Variants in NRXN1 observed in about 807,000 individuals in gnomAD.
NRXN1 encodes neurexin-1.
A neutral mutation model predicts 150.9 loss-of-function variants in NRXN1; 39 were observed. The observed-to-expected ratio is 0.26, with a 90% CI of 0.20 to 0.34. The LOEUF is 0.34. Among genes scored for constraint, NRXN1 ranks in the 10% least tolerant of loss-of-function variants. The pLI is 1.00. For synonymous variants in NRXN1, 924 were observed against 757.0 expected (o/e 1.22, Z -3.62); for missense variants, 1,815 against 1,949.9 (o/e 0.93, Z 1.30).
chr2:50,068,561 T>C (rs1281481532), intron 19 of NRXN1, among the ~76,000 whole-genome samples: 1 of 152,220 alleles, frequency 6.6e-6, no homozygotes, highest in East Asian at 1.9e-4. Context: ...ATCAGTAGCA[T>C]AACATCTTTT....
intron 5 of NRXN1, among the ~76,000 whole-genome samples, chr2:50,774,218 T>C (rs1397658898): frequency 6.6e-6 from 1 of 152,140 alleles, no homozygotes. Flanking sequence ...TTCATCACCA[T>C]ATCTAAAGCG....
At chr2:50,135,221 G>T (rs1036196561) in intron 18 of NRXN1, among the ~76,000 whole-genome samples, 2 of 152,166 alleles carry the variant, frequency 1.3e-5, no homozygotes, top group Non-Finnish European at 1.5e-5. Flanking sequence ...TCTACTAGAT[G>T]CTGGGCAAAG....
intron 17 of NRXN1, among the ~76,000 whole-genome samples, chr2:50,403,838 A>G (rs941465469): frequency 6.6e-6 from 1 of 152,098 alleles, no homozygotes; most frequent in Admixed American, 6.6e-5. Flanking sequence ...CTCAAGTCTA[A>G]GCAGACGTTT....
At chr2:50,942,201 C>T (rs1689562243) in intron 2 of NRXN1, among the ~76,000 whole-genome samples, 1 of 152,134 alleles carries the variant, frequency 6.6e-6, no homozygotes, top group South Asian at 2.1e-4. Context: ...GGAGCCACTG[C>T]CTAGAGATTT....
intron 5 of NRXN1, among the ~76,000 whole-genome samples, chr2:50,842,309 A>C (rs1427370955): frequency 6.6e-6 from 1 of 152,220 alleles, no homozygotes; most frequent in Non-Finnish European, 1.5e-5. Flanking sequence ...TGAGGAGCAG[A>C]AGGAAAAACA....
intron 8 of NRXN1, among the ~76,000 whole-genome samples, chr2:50,561,323 T>C (rs1312141618): frequency 6.6e-6 from 1 of 152,240 alleles, no homozygotes; most frequent in African/African-American, 2.4e-5. Flanking sequence ...TTTCTCACAT[T>C]AGTGATTCAG....
chr2:50,265,829 T>C (rs573911282), intron 17 of NRXN1, among the ~76,000 whole-genome samples: 2 of 152,204 alleles, frequency 1.3e-5, no homozygotes, highest in Non-Finnish European at 2.9e-5. Flanking sequence ...ATTCCACATT[T>C]AGAAATAATT....
intron 15 of NRXN1, among the ~76,000 whole-genome samples, chr2:50,474,676 G>C (rs1185194483): frequency 9.2e-5 from 1 of 10,854 alleles, no homozygotes; most frequent in East Asian, 1.6e-3. Context: ...GACTGGCACA[G>C]AAATAGCAAA....
chr2:50,531,241 A>G lies in NRXN1; in HGVS notation c.2333T>C (p.Leu778Pro). Residue 778 changes from leucine to proline, a missense_variant, in exon 11 of 23, where the codon CTG becomes CCG. Around this residue, in one of 6 missense-constraint regions of NRXN1, gnomAD observed 638 missense variants for 652.6 expected, o/e 0.98. Transcript: ENST00000401669. ...RLELDAGRVK[L>P]TVNLDCIRIN... Reference sequence around the variant, plus strand: ...CAGGTTGTTACCTAGATTGACCGTCAGTTTCACACGTCCTGCGTCTAGCTC... The same window carrying G: ...CAGGTTGTTACCTAGATTGACCGTCGGTTTCACACGTCCTGCGTCTAGCTC... 6.2e-7 allele frequency: 1 copy of G among 1,613,032 alleles called. No homozygotes were observed. Among genetic ancestry groups the G allele is most frequent in the South Asian group, 1.1e-5 (1 of 90,930 alleles).
chr2:50,904,342 A>T (rs1055369875), intron 5 of NRXN1, among the ~76,000 whole-genome samples: 1 of 152,122 alleles, frequency 6.6e-6, no homozygotes, highest in Non-Finnish European at 1.5e-5. Flanking sequence ...TCTTTCTACT[A>T]GGTCTTGAAA....
At position 50,965,470 on chromosome 2, in the gene NRXN1, A is replaced by C. The variant is rs540435747; in HGVS notation, c.773-39515T>G. ...AAATAACCGTTTGATTTTTAAAAAA[A>C]ATAATAATTTTCAAACTGATGCTTT... On this transcript the variant is annotated intron_variant, in intron 2 of 22. Coordinates refer to ENST00000401669, the MANE Select transcript of NRXN1 (RefSeq NM_001330078.2). 2.0e-5 allele frequency among the ~76,000 whole-genome samples: 3 copies of C among 151,724 alleles called. No homozygotes were observed. The South Asian group carries it at 6.2e-4, about 31-fold the overall frequency.
intron 5 of NRXN1, among the ~76,000 whole-genome samples, chr2:50,831,751 G>A (rs896666723): frequency 4.6e-5 from 7 of 152,154 alleles, no homozygotes; most frequent in Admixed American, 2.6e-4. Context: ...AGCATTCTCC[G>A]GAATATGAAT....
intron 17 of NRXN1, among the ~76,000 whole-genome samples, chr2:50,260,934 G>A (rs1225988212): frequency 6.6e-6 from 1 of 151,538 alleles, no homozygotes; most frequent in African/African-American, 2.4e-5. Context: ...TTAAATTGGG[G>A]GCTGAAGTGG....
At chr2:50,385,246 C>T (rs771031889) in intron 17 of NRXN1, among the ~76,000 whole-genome samples, 2 of 152,156 alleles carry the variant, frequency 1.3e-5, no homozygotes, top group Non-Finnish European at 2.9e-5. Context: ...TGCATCAATG[C>T]ATGAGTGAAG....
chr2:50,854,334 T>G (rs774547779), intron 5 of NRXN1, among the ~76,000 whole-genome samples: 6 of 152,108 alleles, frequency 3.9e-5, no homozygotes, highest in Non-Finnish European at 8.8e-5. Flanking sequence ...CTGTAAGATC[T>G]GTTCCAATAT....
chr2:50,081,876 G>C (rs1489446609), intron 19 of NRXN1, among the ~76,000 whole-genome samples: 1 of 152,100 alleles, frequency 6.6e-6, no homozygotes, highest in African/African-American at 2.4e-5. Flanking sequence ...AGTTGGGAAT[G>C]TGACTTCTTC....
intron 5 of NRXN1, among the ~76,000 whole-genome samples, chr2:50,687,311 A>G (rs1691380677): frequency 6.6e-6 from 1 of 152,234 alleles, no homozygotes; most frequent in South Asian, 2.1e-4. Context: ...TTCATAAAAT[A>G]TATTAACTGC....
intron 18 of NRXN1, among the ~76,000 whole-genome samples, chr2:50,221,667 C>A (rs947591274): frequency 1.3e-5 from 2 of 151,970 alleles, no homozygotes; most frequent in East Asian, 3.9e-4. Context: ...TGCAATAGGA[C>A]TGAAGTAATT....
chr2:50,807,481 T>TGAATAATTTTATATCAATTTATTCC (rs1380290690), intron 5 of NRXN1, among the ~76,000 whole-genome samples: 3 of 152,212 alleles, frequency 2.0e-5, no homozygotes, highest in Non-Finnish European at 4.4e-5. Context: ...ATCACTGGAC[T>TGAATAATTTTATATCAATTTATTCC]GAATAATTTT....
Sources: gnomAD v4.1 joint callset for allele counts (sites outside exome capture counted in the v4.1 genomes callset) on GRCh38, gnomAD v4.1.1 for gene constraint, gnomAD v4.1.1 regional missense constraint, MANE v1.5 for transcripts, NCBI Gene and HGNC (gene_info 2026-07-23, HGNC 2026-07-21) for gene names.